Variants in KIRREL3 observed in about 807,000 individuals in gnomAD.
KIRREL3 encodes the protein kirre like nephrin family adhesion molecule 3.
KIRREL3 carries 36 observed loss-of-function variants against 89.7 expected under a neutral mutation model. That is an observed-to-expected ratio of 0.40 (90% confidence interval 0.31 to 0.53). The LOEUF (loss-of-function observed/expected upper bound fraction) is 0.53. Ranked by LOEUF, KIRREL3 falls within the 20% of genes least tolerant of loss-of-function variation. The pLI, the probability that KIRREL3 is intolerant of heterozygous loss-of-function variation, is 0.49. For missense variants in KIRREL3, 864 were observed against 1,056.6 expected (o/e 0.82, Z 2.53); for synonymous variants, 445 against 441.4 (o/e 1.01, Z -0.10).
Position 126,495,190 on chromosome 11 carries a change from G to A in KIRREL3, c.434-21724C>T, listed in dbSNP as rs1174925415. On this transcript the variant is annotated intron_variant, in intron 4 of 16. Transcript: ENST00000525144. The surrounding 1 kb of genome is among the most constrained non-coding windows in gnomAD (Gnocchi z 6.5). ...GGAAGGGAGGAGACAGATGGAGGAG[G>A]ACACTTAGGGCAGGGCCTGCAAACT... Among the ~76,000 whole-genome samples, 2 of 152,172 alleles carry A rather than the reference G, an allele frequency of 1.3e-5. No homozygotes were observed. Among genetic ancestry groups the A allele is most frequent in the Non-Finnish European group, 2.9e-5 (2 of 68,028 alleles).
intron 1 of KIRREL3, among the ~76,000 whole-genome samples, chr11:126,785,312 T>C (rs906935369): frequency 1.3e-5 from 2 of 152,174 alleles, no homozygotes; most frequent in Admixed American, 6.5e-5. Context: ...GCATGCCAAG[T>C]CTGACATTAA....
chr11:126,863,410 CGTGTGTGAGCGCATGTGT>C (rs1944777687), intron 1 of KIRREL3, among the ~76,000 whole-genome samples: 1 of 26,834 alleles, frequency 3.7e-5, no homozygotes, highest in African/African-American at 3.0e-4. Flanking sequence ...TGCGTGAGTG[CGTGTGTGAGCGCATGTGT>C]GTGAGTGCGT....
At position 126,551,398 on chromosome 11, in the gene KIRREL3, C is replaced by T. The variant is rs947110333; in HGVS notation, c.133+11437G>A. Among the ~76,000 whole-genome samples, 1 of 152,160 alleles carries T rather than the reference C, an allele frequency of 6.6e-6. No homozygotes were observed. The highest frequency in any genetic ancestry group is 1.5e-5 in the Non-Finnish European group (1 of 68,034). On this transcript the variant is annotated intron_variant, in intron 2 of 16. Coordinates refer to ENST00000525144, the MANE Select transcript of KIRREL3 (RefSeq NM_032531.4). The surrounding 1 kb of genome is among the most constrained non-coding windows in gnomAD (Gnocchi z 4.9). ...CCCGAGGCCTGCCCCTGAGGCCTAACACACCCAACATATGGCAAAAGACTG... is the reference window on the plus strand; with the variant it reads ...CCCGAGGCCTGCCCCTGAGGCCTAATACACCCAACATATGGCAAAAGACTG...
In KIRREL3 at chr11:126,739,224, G is replaced by C. The variant is rs1948901800; in HGVS notation, c.56-176312C>G. 6.6e-6 allele frequency among the ~76,000 whole-genome samples: 1 copy of C among 152,200 alleles called. No homozygotes were observed. Among genetic ancestry groups the C allele is most frequent in the Admixed American group, 6.5e-5 (1 of 15,290 alleles). On this transcript the variant is annotated intron_variant, in intron 1 of 16. Transcript: ENST00000525144. The surrounding 1 kb of genome is among the most constrained non-coding windows in gnomAD (Gnocchi z 5.5). The stretch of plus-strand genomic sequence containing the variant: ...TGAATTCCACTGATGTGAATTTCTA[G>C]CCTTCTGCATATGACTTGCCCACAG...
In KIRREL3 at chr11:126,985,489, T is replaced by C. The variant is rs1949837553; in HGVS notation, c.55+14966A>G. Among the ~76,000 whole-genome samples, 1 of 151,940 alleles carries C rather than the reference T, an allele frequency of 6.6e-6. No individual in the cohort carries two copies. The highest frequency in any genetic ancestry group is 2.1e-4 in the South Asian group (1 of 4,798). ...AATAAGGAAGGAAGGGCATTTAAAT[T>C]AGATTGTGGGGAGAGAGGTCAAGGA... On this transcript the variant is annotated intron_variant, in intron 1 of 16. Coordinates refer to ENST00000525144, the MANE Select transcript of KIRREL3 (RefSeq NM_032531.4). This position sits in a 1 kb window ranked among gnomAD's most constrained non-coding sequence, Gnocchi z 5.3.
chr11:126,744,233 A>G lies in KIRREL3; in HGVS notation c.56-181321T>C. ...TGGACATTGGTTTGTCTTCTGAAAC[A>G]CACAACTTTTTTTTTTTTTATGGGT... On this transcript the variant is annotated intron_variant, in intron 1 of 16. Coordinates refer to ENST00000525144, the MANE Select transcript of KIRREL3 (RefSeq NM_032531.4). The surrounding 1 kb of genome is among the most constrained non-coding windows in gnomAD (Gnocchi z 4.7). Among the ~76,000 whole-genome samples, 1 of 125,438 alleles carries G rather than the reference A, an allele frequency of 8.0e-6. No homozygotes were observed. The allele number at this position is 125,438 out of a possible 152,430, so 82.3% of individuals were successfully genotyped here.
intron 1 of KIRREL3, among the ~76,000 whole-genome samples, chr11:126,690,763 C>T (rs1946848368): frequency 6.6e-6 from 1 of 152,220 alleles, no homozygotes; most frequent in Non-Finnish European, 1.5e-5. Flanking sequence ...GTCGAGGAAT[C>T]TTTACCAGTA....
Position 126,989,190 on chromosome 11 carries a change from G to C in KIRREL3, c.55+11265C>G, listed in dbSNP as rs1472611594. On this transcript the variant is annotated intron_variant, in intron 1 of 16. Coordinates refer to ENST00000525144, the MANE Select transcript of KIRREL3 (RefSeq NM_032531.4). The surrounding 1 kb of genome is among the most constrained non-coding windows in gnomAD (Gnocchi z 6.2). ...ACTCTGCAGTTTGAAGTAAGGTTTT[G>C]CAAAACTTATGCAAAAAGTTTTCTT... is the stretch of plus-strand genomic sequence containing the variant. 1.3e-5 allele frequency among the ~76,000 whole-genome samples: 2 copies of C among 152,174 alleles called. No individual in the cohort carries two copies. The highest frequency in any genetic ancestry group is 2.9e-5 in the Non-Finnish European group (2 of 68,030).
chr11:126,597,479 A>C (rs1245931525), intron 1 of KIRREL3, among the ~76,000 whole-genome samples: 1 of 152,246 alleles, frequency 6.6e-6, no homozygotes, highest in East Asian at 1.9e-4. Context: ...CAAAGTTCTG[A>C]GATGGGAGCC....
At chr11:126,466,156 C>T (rs1402515975) in intron 5 of KIRREL3, among the ~76,000 whole-genome samples, 3 of 152,146 alleles carry the variant, frequency 2.0e-5, no homozygotes, top group African/African-American at 7.2e-5. Flanking sequence ...TCCTCCGCCT[C>T]GGAATGATGA....
intron 1 of KIRREL3, among the ~76,000 whole-genome samples, chr11:126,567,663 C>T (rs375529128): frequency 1.1e-4 from 16 of 152,166 alleles, no homozygotes; most frequent in East Asian, 3.8e-4. Flanking sequence ...TTGGGAGTGG[C>T]GGCCACAAGT....
intron 1 of KIRREL3, among the ~76,000 whole-genome samples, chr11:126,654,624 C>T (rs1412241818): frequency 6.6e-6 from 1 of 152,088 alleles, no homozygotes; most frequent in Non-Finnish European, 1.5e-5. Context: ...AATGCTATGT[C>T]CTGCATCTGT....
In KIRREL3 at chr11:126,965,415, T is replaced by C. The variant is rs973926056; in HGVS notation, c.55+35040A>G. Among the ~76,000 whole-genome samples the C allele has an allele frequency of 3.2e-4, 48 of 152,184 alleles. No individual in the cohort carries two copies. The highest frequency in any genetic ancestry group is 3.1e-4 in the Non-Finnish European group (21 of 68,042). On this transcript the variant is annotated intron_variant, in intron 1 of 16. Transcript: ENST00000525144. The surrounding 1 kb of genome is among the most constrained non-coding windows in gnomAD (Gnocchi z 4.4). The stretch of plus-strand genomic sequence containing the variant: ...TAGTGGTCACTGGGAAGGAACAGAT[T>C]GGTTTATCCATGTATTTGCATAATC...
At chr11:126,809,415 C>T (rs968746161) in intron 1 of KIRREL3, among the ~76,000 whole-genome samples, 1 of 152,096 alleles carries the variant, frequency 6.6e-6, no homozygotes, top group Non-Finnish European at 1.5e-5. Context: ...AGGAACTGAC[C>T]GTGCCCCCCA....
rs578260968 is a variant in KIRREL3, at chr11:126,609,187, A to T, written c.56-46275T>A. ...TTTCCCCGCTCTGAGACCGGACCTCAGGAAAGGGGTGCGGGGAAGGTTGGG... is the reference window on the plus strand; with the variant it reads ...TTTCCCCGCTCTGAGACCGGACCTCTGGAAAGGGGTGCGGGGAAGGTTGGG... On this transcript the variant is annotated intron_variant, in intron 1 of 16. Coordinates refer to ENST00000525144, the MANE Select transcript of KIRREL3 (RefSeq NM_032531.4). The surrounding 1 kb of genome is among the most constrained non-coding windows in gnomAD (Gnocchi z 5.0). 2.8e-4 allele frequency among the ~76,000 whole-genome samples: 42 copies of T among 152,216 alleles called. No individual in the cohort carries two copies. Among genetic ancestry groups the T allele is most frequent in the Middle Eastern group, 3.4e-3 (1 of 294 alleles).
chr11:126,967,875 C>T (rs747825543), intron 1 of KIRREL3, among the ~76,000 whole-genome samples: 1 of 152,084 alleles, frequency 6.6e-6, no homozygotes, highest in Non-Finnish European at 1.5e-5. Context: ...CACAAGACAA[C>T]CCCTCACAAC....
At chr11:126,450,448 C>T (rs368548583) in intron 7 of KIRREL3, among the ~76,000 whole-genome samples, 26 of 112,666 alleles carry the variant, frequency 2.3e-4, no homozygotes, top group African/African-American at 8.5e-4. Context: ...TGTGTATGTG[C>T]GCATCTGTGA....
Position 126,990,085 on chromosome 11 carries a change from G to A in KIRREL3, c.55+10370C>T, listed in dbSNP as rs1053822091. Among the ~76,000 whole-genome samples, 1 of 152,172 alleles carries A rather than the reference G, an allele frequency of 6.6e-6. No individual in the cohort carries two copies. The highest frequency in any genetic ancestry group is 2.4e-5 in the African/African-American group (1 of 41,446). ...GGGAAAACGCCTGGAGCGGGGCAGG[G>A]GGCACAGGCCTGGAGGCGGCTCTAG... On this transcript the variant is annotated intron_variant, in intron 1 of 16. Coordinates refer to ENST00000525144, the MANE Select transcript of KIRREL3 (RefSeq NM_032531.4). The surrounding 1 kb of genome is among the most constrained non-coding windows in gnomAD (Gnocchi z 6.3).
In KIRREL3 at chr11:126,550,743, T is replaced by G. The variant is rs568558468; in HGVS notation, c.133+12092A>C. The G allele has an allele frequency of 6.6e-6, 1 of 152,082 alleles. No individual in the cohort carries two copies. The highest frequency in any genetic ancestry group is 6.5e-5 in the Admixed American group (1 of 15,278). The allele number at this position is 152,082 out of a possible 1,614,324, so 9.4% of individuals were successfully genotyped here. On this transcript the variant is annotated intron_variant, in intron 2 of 16. Transcript: ENST00000525144. This position sits in a 1 kb window ranked among gnomAD's most constrained non-coding sequence, Gnocchi z 4.9. ...CACAAAAACAGCTGGGTGTGAAATGTTGGAGAAAACTCTCCCCAACTGCAT... is the reference window on the plus strand; with the variant it reads ...CACAAAAACAGCTGGGTGTGAAATGGTGGAGAAAACTCTCCCCAACTGCAT...
Sources: allele counts gnomAD v4.1 joint callset (sites outside exome capture counted in the v4.1 genomes callset), GRCh38; gene constraint gnomAD v4.1.1; non-coding constraint Gnocchi (gnomAD v3.1); transcripts MANE v1.5; gene names NCBI Gene and HGNC (gene_info 2026-07-23, HGNC 2026-07-21).